Variants in CELF4 observed in about 807,000 individuals in gnomAD.
CELF4 encodes CUGBP Elav-like family member 4, also known as CUG-BP- and ETR-3-like factor 4.
A neutral mutation model predicts 59.9 loss-of-function variants in CELF4; 18 were observed. The ratio of observed to expected loss-of-function variants is 0.30; its 90% CI spans 0.21 to 0.45. The LOEUF (loss-of-function observed/expected upper bound fraction) is 0.45, where lower values mean the gene tolerates loss of function less well. Among genes scored for constraint, CELF4 ranks in the 20% least tolerant of loss-of-function variants. CELF4 has a pLI of 1.00. For missense variants in CELF4, 456 were observed against 689.0 expected (o/e 0.66, Z 3.79); for synonymous variants, 261 against 267.1 (o/e 0.98, Z 0.22).
chr18:37,536,941 T>C (rs1782577869), intron 1 of CELF4, among the ~76,000 whole-genome samples: 1 of 152,122 alleles, frequency 6.6e-6, no homozygotes, highest in African/African-American at 2.4e-5. Flanking sequence ...CTTCACAAGA[T>C]TCCTACACAT....
At position 37,517,185 on chromosome 18, in the gene CELF4, G is replaced by T. The variant is rs544572109; in HGVS notation, c.287-31578C>A. 5.9e-5 allele frequency among the ~76,000 whole-genome samples: 9 copies of T among 152,320 alleles called. No individual in the cohort carries two copies. In the East Asian group the frequency reaches 1.7e-3, roughly 29 times the overall value. Reference sequence around the variant, plus strand: ...CCCTGCTTGGAAGACAGGGCTGGCTGAGTGTCCCGTCCCCTCTCCCCACTC... The same window carrying T: ...CCCTGCTTGGAAGACAGGGCTGGCTTAGTGTCCCGTCCCCTCTCCCCACTC... On this transcript the variant is annotated intron_variant, in intron 1 of 12. Transcript: ENST00000420428.
At chr18:37,317,449 T>C (rs1251409992) in intron 3 of CELF4, among the ~76,000 whole-genome samples, 1 of 152,202 alleles carries the variant, frequency 6.6e-6, no homozygotes, top group African/African-American at 2.4e-5. Flanking sequence ...CAGTGTTCTG[T>C]AAATAACAGC....
chr18:37,393,692 C>G (rs1002266316), intron 2 of CELF4, among the ~76,000 whole-genome samples: 1 of 152,122 alleles, frequency 6.6e-6, no homozygotes, highest in Non-Finnish European at 1.5e-5. Context: ...GCTCCAGCCC[C>G]GGTACCTGAG....
intron 2 of CELF4, among the ~76,000 whole-genome samples, chr18:37,418,727 G>C (rs924076352): frequency 1.3e-5 from 2 of 152,212 alleles, no homozygotes; most frequent in African/African-American, 4.8e-5. Context: ...ATACTGTAAA[G>C]CACATGTCAG....
intron 2 of CELF4, among the ~76,000 whole-genome samples, chr18:37,374,586 C>T (rs2098943292): frequency 6.6e-6 from 1 of 152,222 alleles, no homozygotes; most frequent in Admixed American, 6.5e-5. Context: ...CAGGGGCTCC[C>T]CTGGTCTGGC....
intron 2 of CELF4, among the ~76,000 whole-genome samples, chr18:37,408,272 T>G (rs2099403706): frequency 6.6e-6 from 1 of 152,152 alleles, no homozygotes. Context: ...ATGATAGGAA[T>G]TATGAGCAAG....
At chr18:37,479,205 T>C (rs1279607703) in intron 2 of CELF4, among the ~76,000 whole-genome samples, 2 of 152,212 alleles carry the variant, frequency 1.3e-5, no homozygotes, top group Non-Finnish European at 2.9e-5. Context: ...GCTCACACCA[T>C]TGGAGCTTTT....
intron 1 of CELF4, among the ~76,000 whole-genome samples, chr18:37,547,160 GGTGT>G (rs59169669): frequency 1.5e-4 from 21 of 144,244 alleles, no homozygotes; most frequent in East Asian, 4.1e-4. Flanking sequence ...GTGTGTGTGT[GGTGT>G]GTGTGTGTGT....
At chr18:37,315,656 A>G (rs2154504608) in intron 3 of CELF4, among the ~76,000 whole-genome samples, 1 of 152,254 alleles carries the variant, frequency 6.6e-6, no homozygotes, top group South Asian at 2.1e-4. Context: ...ACTCATGGTC[A>G]CTGACAGAGG....
In CELF4 at chr18:37,400,337, T is replaced by C. The variant is rs554638276; in HGVS notation, c.370-78456A>G. Among the ~76,000 whole-genome samples the C allele has an allele frequency of 5.1e-4, 77 of 152,294 alleles. No homozygotes were observed. In the South Asian group the frequency reaches 0.016, roughly 31 times the overall value. ...GTGTGTATATATGTATATGTGTGTG[T>C]ATGTATATATATGTATGCATGTACA... On this transcript the variant is annotated intron_variant, in intron 2 of 12. Coordinates refer to ENST00000420428, the MANE Select transcript of CELF4 (RefSeq NM_020180.4).
chr18:37,322,478 G>T (rs1037067977), intron 2 of CELF4, among the ~76,000 whole-genome samples: 2 of 152,244 alleles, frequency 1.3e-5, no homozygotes, highest in African/African-American at 4.8e-5. Context: ...CTCAGGGAGT[G>T]CGTGGAGTGG....
At chr18:37,512,429 C>T (rs1187829563) in intron 1 of CELF4, among the ~76,000 whole-genome samples, 4 of 149,086 alleles carry the variant, frequency 2.7e-5, no homozygotes, top group South Asian at 4.6e-4. Flanking sequence ...TTTCCTTTCT[C>T]CCTCCTCCCC....
chr18:37,558,134 T>A (rs1249495617), intron 1 of CELF4, among the ~76,000 whole-genome samples: 1 of 151,104 alleles, frequency 6.6e-6, no homozygotes, highest in East Asian at 2.0e-4. Flanking sequence ...CCTGAGTAGC[T>A]GGGACTACAG....
chr18:37,540,161 T>C (rs758266372), intron 1 of CELF4, among the ~76,000 whole-genome samples: 7 of 152,152 alleles, frequency 4.6e-5, no homozygotes, highest in Non-Finnish European at 8.8e-5. Context: ...GGAGTGCCTG[T>C]GAGAGAAGTT....
chr18:37,565,635 T>C lies in CELF4; in HGVS notation c.7A>G (p.Ile3Val). The C allele has an allele frequency of 6.3e-7, 1 of 1,587,048 alleles. No homozygotes were observed. Among genetic ancestry groups the C allele is most frequent in the South Asian group, 1.1e-5 (1 of 88,120 alleles). MYIKMATLANGQA... is the reference protein window; with the variant it reads MYVKMATLANGQA... The stretch of plus-strand genomic sequence containing the variant: ...CCGTTTGCTAACGTGGCCATCTTTA[T>C]ATACATAGAGAAAATCTTCTTTCCT... Residue 3 changes from isoleucine (I) to valine (V), a missense_variant, in exon 1 of 13, where the codon ATA becomes GTA. By Grantham distance (29) the Ile-to-Val change is conservative. This residue lies in a region of CELF4 where 70 missense variants were observed against 69.5 expected (regional missense o/e 1.01). Transcript: ENST00000420428.
At chr18:37,400,066 A>C (rs745702904) in intron 2 of CELF4, among the ~76,000 whole-genome samples, 1 of 152,234 alleles carries the variant, frequency 6.6e-6, no homozygotes. Context: ...CTAGGTGTAC[A>C]GTCTACATCT....
chr18:37,500,151 C>T (rs908859764), intron 1 of CELF4, among the ~76,000 whole-genome samples: 8 of 152,166 alleles, frequency 5.3e-5, no homozygotes, highest in African/African-American at 1.4e-4. Flanking sequence ...GGAAGGGAAT[C>T]GGGAGAACAG....
chr18:37,516,441 A>G lies in CELF4; in HGVS notation c.287-30834T>C, dbSNP rs374832593. Among the ~76,000 whole-genome samples, 48 of 152,340 alleles carry G rather than the reference A, an allele frequency of 3.2e-4. 1 individual carries two copies. In the East Asian group the frequency reaches 7.9e-3, roughly 25 times the overall value. ...GCCAACACTAGCCTGGCTCCTGGCC[A>G]GCAAAGGGAGCTTGGGGAAGACAGA... is the stretch of plus-strand genomic sequence containing the variant. On this transcript the variant is annotated intron_variant, in intron 1 of 12. Transcript: ENST00000420428.
At chr18:37,452,276 A>C (rs2099766168) in intron 2 of CELF4, among the ~76,000 whole-genome samples, 1 of 152,232 alleles carries the variant, frequency 6.6e-6, no homozygotes, top group South Asian at 2.1e-4. Flanking sequence ...GTAGAACTGC[A>C]GAACTCTAAC....
Sources: allele counts gnomAD v4.1 joint callset (sites outside exome capture counted in the v4.1 genomes callset), GRCh38; gene constraint gnomAD v4.1.1; regional missense constraint gnomAD v4.1.1; transcripts MANE v1.5; gene names NCBI Gene and HGNC (gene_info 2026-07-23, HGNC 2026-07-21).